The following SCARA5 variants were observed in gnomAD, a reference collection of about 807,000 sequenced individuals.
SCARA5 encodes scavenger receptor class A member 5, also known as scavenger receptor class A, member 5 (putative).
In SCARA5, 45 loss-of-function variants were observed where a neutral mutation model predicts 46.3. The observed-to-expected ratio is 0.97, with a 90% CI of 0.76 to 1.24. The LOEUF is 1.24. Among genes scored for constraint, SCARA5 ranks in the 50% most tolerant of loss-of-function variants. The pLI is 0.00. For missense variants in SCARA5, 680 were observed against 689.0 expected (o/e 0.99, Z 0.15); for synonymous variants, 333 against 306.5 (o/e 1.09, Z -0.90).
chr8:27,943,401 A>C (rs1807982441), intron 3 of SCARA5, among the ~76,000 whole-genome samples: 2 of 152,250 alleles, frequency 1.3e-5, no homozygotes, highest in South Asian at 4.1e-4. Context: ...ACTGCACTCC[A>C]GCCTGGGTGA....
chr8:27,914,343 C>T (rs1208168620), intron 4 of SCARA5, among the ~76,000 whole-genome samples: 10 of 152,234 alleles, frequency 6.6e-5, no homozygotes, highest in Non-Finnish European at 1.3e-4. Context: ...CTTCTGGTCT[C>T]TTAGTGTACC....
At chr8:27,943,980 G>A (rs1419786698) in intron 3 of SCARA5, among the ~76,000 whole-genome samples, 1 of 152,160 alleles carries the variant, frequency 6.6e-6, no homozygotes, top group Non-Finnish European at 1.5e-5. Flanking sequence ...GGAACAAATT[G>A]ACACAATCCA....
intron 1 of SCARA5, among the ~76,000 whole-genome samples, 180 bp downstream of exon 1, chr8:27,992,077 G>A (rs1002674226): frequency 1.5e-4 from 23 of 152,120 alleles, no homozygotes; most frequent in African/African-American, 4.8e-4. Context: ...ATGAGGGCCC[G>A]GCAGATATCT....
intron 7 of SCARA5, among the ~76,000 whole-genome samples, chr8:27,896,586 T>C (rs2685373): frequency 0.82 from 124,416 of 152,002 alleles, 51,823 homozygotes; most frequent in East Asian, 0.98. Context: ...CCGGGGTGGT[T>C]GCCTCTCAAT....
At chr8:27,969,863 C>G (rs1808422308) in intron 2 of SCARA5, among the ~76,000 whole-genome samples, 1 of 152,106 alleles carries the variant, frequency 6.6e-6, no homozygotes. Flanking sequence ...GAGCTTTTGA[C>G]TTAAGGATTG....
intron 3 of SCARA5, among the ~76,000 whole-genome samples, chr8:27,923,454 C>T (rs1177703035): frequency 6.6e-6 from 1 of 152,212 alleles, no homozygotes; most frequent in South Asian, 2.1e-4. Context: ...ACTTGTCACC[C>T]AATCAGAGTC....
intron 3 of SCARA5, among the ~76,000 whole-genome samples, chr8:27,924,694 A>AT (rs1378024909): frequency 6.6e-6 from 1 of 152,214 alleles, no homozygotes; most frequent in Admixed American, 6.5e-5. Flanking sequence ...AGGAAGTCAA[A>AT]TTGTCCCTGT....
chr8:27,974,314 T>C (rs1314413835), intron 2 of SCARA5, among the ~76,000 whole-genome samples: 3 of 152,220 alleles, frequency 2.0e-5, no homozygotes, highest in Non-Finnish European at 4.4e-5. Flanking sequence ...GAAAAACTAA[T>C]ATTTCAGTTT....
intron 3 of SCARA5, among the ~76,000 whole-genome samples, chr8:27,949,725 C>T (rs531473310): frequency 1.3e-5 from 2 of 152,314 alleles, no homozygotes; most frequent in South Asian, 2.1e-4. Flanking sequence ...CCACGGTACC[C>T]GGAGCTGGAT....
chr8:27,987,530 A>G lies in SCARA5; in HGVS notation c.86T>C (p.Leu29Pro). 1 of 1,613,738 alleles carries G rather than the reference A, an allele frequency of 6.2e-7. No homozygotes were observed. Among genetic ancestry groups the G allele is most frequent in the Non-Finnish European group, 8.5e-7 (1 of 1,179,676 alleles). Residue 29 changes from leucine (L) to proline (P), a missense_variant, in exon 2 of 9, where the codon CTG (leucine) becomes CCG (proline). By Grantham distance (98) the Leu-to-Pro change is moderately conservative. Coordinates refer to ENST00000354914, the MANE Select transcript of SCARA5 (RefSeq NM_173833.6). ...ICEDSFDGRS[L>P]SKLNLCEDGP... is the part of the protein sequence containing the mutation. The stretch of plus-strand genomic sequence containing the variant: ...ATCCTCACACAGGTTCAGCTTGGAC[A>G]GGCTCCTGCCATCAAAGGAATCCTC...
At chr8:27,965,643 A>T (rs1192033937) in intron 3 of SCARA5, among the ~76,000 whole-genome samples, 1 of 152,212 alleles carries the variant, frequency 6.6e-6, no homozygotes, top group African/African-American at 2.4e-5. Context: ...CATGTGAGAC[A>T]TGTTGGGTGG....
intron 4 of SCARA5, among the ~76,000 whole-genome samples, chr8:27,915,544 A>T (rs190282516): frequency 5.6e-4 from 85 of 152,344 alleles, no homozygotes; most frequent in Non-Finnish European, 8.4e-4. Flanking sequence ...CCCAGAAACC[A>T]GAGTCCCAGC....
chr8:27,955,770 A>G (rs550482126), intron 3 of SCARA5, among the ~76,000 whole-genome samples: 78 of 152,342 alleles, frequency 5.1e-4, no homozygotes, highest in African/African-American at 1.8e-3. Context: ...TTGCTTATCT[A>G]AAATTCAAGT....
chr8:27,914,877 G>T (rs1165992478), intron 4 of SCARA5, among the ~76,000 whole-genome samples: 4 of 152,148 alleles, frequency 2.6e-5, no homozygotes, highest in Non-Finnish European at 5.9e-5. Context: ...AGAAGCACCG[G>T]GGTTTTCCTG....
At chr8:27,960,989 C>T (rs1012045548) in intron 3 of SCARA5, among the ~76,000 whole-genome samples, 1 of 152,182 alleles carries the variant, frequency 6.6e-6, no homozygotes, top group Non-Finnish European at 1.5e-5. Flanking sequence ...TGGGTGAACT[C>T]CCATTCAGAC....
Position 27,969,061 on chromosome 8 carries a change from G to A in SCARA5, c.113-2519C>T, listed in dbSNP as rs148912472. Among the ~76,000 whole-genome samples, 389 of 152,244 alleles carry A rather than the reference G, an allele frequency of 2.6e-3. 1 individual carries two copies. The highest frequency in any genetic ancestry group is 8.9e-3 in the African/African-American group (369 of 41,554). On this transcript the variant is annotated intron_variant, in intron 2 of 8. Coordinates refer to ENST00000354914, the MANE Select transcript of SCARA5 (RefSeq NM_173833.6). Reference sequence around the variant, plus strand: ...AATAGAGGTTTCCCACAAATGGTTAGACAAGCAGAACATGAATGATCTGGC... The same window carrying A: ...AATAGAGGTTTCCCACAAATGGTTAAACAAGCAGAACATGAATGATCTGGC...
intron 7 of SCARA5, chr8:27,903,411 T>C (rs1807193416): frequency 1.3e-5 from 2 of 152,218 alleles, no homozygotes; most frequent in Admixed American, 1.3e-4. Flanking sequence ...TTTCATCATA[T>C]AGAAATGTTA....
chr8:27,887,420 G>A (rs1203390786), intron 7 of SCARA5, among the ~76,000 whole-genome samples: 1 of 152,148 alleles, frequency 6.6e-6, no homozygotes, highest in East Asian at 1.9e-4. Context: ...TTCATGGTTT[G>A]CAAGTTAAGA....
At chr8:27,916,755 G>A (rs1022010520) in intron 4 of SCARA5, among the ~76,000 whole-genome samples, 17 of 152,192 alleles carry the variant, frequency 1.1e-4, no homozygotes, top group African/African-American at 3.9e-4. Flanking sequence ...AAAGACCCTA[G>A]ATGCAGTGGT....
Sources: allele counts gnomAD v4.1 joint callset (sites outside exome capture counted in the v4.1 genomes callset), GRCh38; gene constraint gnomAD v4.1.1; transcripts MANE v1.5; gene names NCBI Gene and HGNC (gene_info 2026-07-23, HGNC 2026-07-21).